Variants in MTR observed in about 807,000 individuals in gnomAD.
MTR encodes methionine synthase.
In MTR, 84 loss-of-function variants were observed where a neutral mutation model predicts 154.8. The observed-to-expected ratio is 0.54, with a 90% CI of 0.45 to 0.65. The LOEUF (loss-of-function observed/expected upper bound fraction) is 0.65, where lower values mean the gene tolerates loss of function less well. MTR is among the 30% of genes least tolerant of loss of function. The pLI, the probability that MTR is intolerant of heterozygous loss-of-function variation, is 0.00. For synonymous variants in MTR, 554 were observed against 553.9 expected, an observed-to-expected ratio of 1.00 and a Z score of 0.00; for missense variants, 1,275 against 1,570.2, an observed-to-expected ratio of 0.81 and a Z score of 3.18.
Position 236,795,555 on chromosome 1 carries a change from G to A in MTR, c.-149G>A, listed in dbSNP as rs1482032939. 1 of 1,544,802 alleles carries A rather than the reference G, an allele frequency of 6.5e-7. No individual in the cohort carries two copies. Among genetic ancestry groups the A allele is most frequent in the Non-Finnish European group, 8.7e-7 (1 of 1,150,366 alleles). ...GGCTTTCGGGGTCCGCAGTCCCCCC[G>A]CGACGCGAGCCAACGGGAGGCGTCA... On this transcript the variant is annotated 5_prime_UTR_variant, in exon 1 of 33. Coordinates refer to ENST00000366577, the MANE Select transcript of MTR (RefSeq NM_000254.3).
Position 236,810,609 on chromosome 1 carries a change from A to G in MTR, c.502+14A>G, listed in dbSNP as rs1558277323. The G allele has an allele frequency of 6.3e-7, 1 of 1,597,816 alleles. No individual in the cohort carries two copies. On this transcript the variant is annotated intron_variant, in intron 5 of 32. Coordinates refer to ENST00000366577, the MANE Select transcript of MTR (RefSeq NM_000254.3). ...ATAGGAACATCAGTGAGTATTTACC[A>G]CATATAATCATTGATCTTGGGGAAG... is the stretch of plus-strand genomic sequence containing the variant.
At chr1:236,891,923 G>A (rs559647663) in intron 29 of MTR, among the ~76,000 whole-genome samples, 25 of 152,244 alleles carry the variant, frequency 1.6e-4, no homozygotes, top group Admixed American at 4.6e-4. Context: ...AGCCCAGCCT[G>A]TACATATCCC....
chr1:236,796,209 C>T (rs985376676), intron 1 of MTR, among the ~76,000 whole-genome samples: 8 of 152,326 alleles, frequency 5.3e-5, no homozygotes, highest in African/African-American at 1.7e-4. Context: ...TTTTCTGCTT[C>T]TACGCACGCT....
chr1:236,811,580 C>T lies in MTR; in HGVS notation c.502+985C>T, dbSNP rs567547474. 1.6e-4 allele frequency: 74 copies of T among 455,798 alleles called. 1 individual carries two copies. The highest frequency in any genetic ancestry group is 3.6e-4 in the African/African-American group (18 of 50,124). The allele number at this position is 455,798 out of a possible 1,614,324, so 28.2% of individuals were successfully genotyped here. A position where few individuals can be genotyped will look rare whatever the true frequency, so the allele number is the denominator to read the frequency against. Reference sequence around the variant, plus strand: ...TATGGAACTTTGTGTGCTGTGATACCACACTTTTTCACTAGGAGTTGTTCA... The same window carrying T: ...TATGGAACTTTGTGTGCTGTGATACTACACTTTTTCACTAGGAGTTGTTCA... On this transcript the variant is annotated intron_variant, in intron 5 of 32. Coordinates refer to ENST00000366577, the MANE Select transcript of MTR (RefSeq NM_000254.3).
At chr1:236,827,053 G>A (rs1168502117) in intron 11 of MTR, among the ~76,000 whole-genome samples, 157 bp downstream of exon 11, 1 of 152,194 alleles carries the variant, frequency 6.6e-6, no homozygotes, top group Admixed American at 6.5e-5. Context: ...TGTATTTGGA[G>A]ATGAGGCCTT....
intron 13 of MTR, 47 bp downstream of exon 13, chr1:236,832,125 C>A: frequency 7.1e-7 from 1 of 1,411,118 alleles, no homozygotes; most frequent in Non-Finnish European, 1.0e-6. Flanking sequence ...ATGTCTTTGG[C>A]TAGACAGCAT....
intron 14 of MTR, among the ~76,000 whole-genome samples, chr1:236,838,003 G>A (rs1663006700): frequency 6.6e-6 from 1 of 152,072 alleles, no homozygotes; most frequent in Non-Finnish European, 1.5e-5. Context: ...GGTTGAATTT[G>A]AATAACTTGG....
intron 18 of MTR, among the ~76,000 whole-genome samples, chr1:236,856,310 G>C (rs1664198641): frequency 6.6e-6 from 1 of 152,004 alleles, no homozygotes; most frequent in Non-Finnish European, 1.5e-5. Context: ...ATCAAGTGAT[G>C]GGACTGTGAA....
intron 7 of MTR, among the ~76,000 whole-genome samples, chr1:236,816,095 G>A (rs1661578091): frequency 1.3e-5 from 2 of 152,196 alleles, no homozygotes. Context: ...CAAAACAAGG[G>A]TGTTAGATAA....
rs865831354 is a variant in MTR at position 236,853,050 on chromosome 1, GA to G, written c.1916del (p.Asp639AlafsTer42). The G allele has an allele frequency of 5.0e-6, 8 of 1,613,694 alleles. No homozygotes were observed. Among genetic ancestry groups the G allele is most frequent in the Non-Finnish European group, 6.8e-6 (8 of 1,179,914 alleles). ...CTGTGAAGATCTCATCTGGAATAAAGACCCTGAGGCCACTGAGAAGCTCTTA... is the reference window on the plus strand; with the variant it reads ...CTGTGAAGATCTCATCTGGAATAAAGCCCTGAGGCCACTGAGAAGCTCTTA... ...QLCEDLIWNK[D>X]PEATEKLLRY... is the part of the protein sequence containing the mutation. On this transcript the variant is annotated frameshift_variant, in exon 18 of 33. Transcript: ENST00000366577. LOFTEE classifies it high-confidence loss of function.
At chr1:236,873,310 T>C (rs1453259808) in intron 22 of MTR, among the ~76,000 whole-genome samples, 2 of 152,178 alleles carry the variant, frequency 1.3e-5, no homozygotes, top group South Asian at 2.1e-4. Flanking sequence ...GGGGTAGTTA[T>C]TGCTAAATGG....
chr1:236,886,771 G>A (rs1031802315), intron 27 of MTR, among the ~76,000 whole-genome samples: 1 of 152,208 alleles, frequency 6.6e-6, no homozygotes, highest in African/African-American at 2.4e-5. Context: ...CTTGAAGGAA[G>A]TTCTGTGGAA....
intron 25 of MTR, among the ~76,000 whole-genome samples, chr1:236,882,537 T>A (rs1218259828): frequency 1.3e-5 from 2 of 152,050 alleles, no homozygotes; most frequent in East Asian, 3.9e-4. Context: ...ATTACAGGTG[T>A]GCACCACCAC....
intron 32 of MTR, 47 bp downstream of exon 32, chr1:236,897,165 A>G (rs372458025): frequency 3.7e-6 from 5 of 1,349,804 alleles, no homozygotes; most frequent in African/African-American, 1.4e-5. Context: ...TTCAAATGAA[A>G]TTCTAGAACC....
intron 2 of MTR, among the ~76,000 whole-genome samples, chr1:236,804,285 G>A (rs1660852315): frequency 6.6e-6 from 1 of 152,174 alleles, no homozygotes. Flanking sequence ...ATTAGGAGGT[G>A]CCCTTATAAA....
intron 15 of MTR, among the ~76,000 whole-genome samples, chr1:236,849,499 TG>T (rs2103235765): frequency 6.6e-6 from 1 of 152,290 alleles, no homozygotes; most frequent in South Asian, 2.1e-4. Flanking sequence ...GCCTTAGTTC[TG>T]TGAAGCACAA....
intron 13 of MTR, among the ~76,000 whole-genome samples, chr1:236,835,332 G>A (rs1019782446): frequency 6.6e-6 from 1 of 152,028 alleles, no homozygotes; most frequent in Non-Finnish European, 1.5e-5. Flanking sequence ...CAGCTTTGGT[G>A]GATTCTAAGC....
intron 4 of MTR, among the ~76,000 whole-genome samples, chr1:236,809,574 C>T (rs2103036028): frequency 6.6e-6 from 1 of 152,300 alleles, no homozygotes; most frequent in South Asian, 2.1e-4. Context: ...ACTATTACTC[C>T]AACAGAGTCA....
At position 236,885,162 on chromosome 1, in the gene MTR, T is replaced by C. The variant is rs371962565; in HGVS notation, c.2718T>C (p.Phe906=). The change falls in exon 26 of 33, where the codon TTT becomes TTC. Residue 906 remains phenylalanine (F), a synonymous_variant. Coordinates refer to ENST00000366577, the MANE Select transcript of MTR (RefSeq NM_000254.3). ...ATGAAAATCTAAAGGATGAATACTT[T>C]GAGGAAATCATGGAAGAATATGAAG... ...LLDENLKDEY[F]EEIMEEYEDI... 3.9e-5 allele frequency: 63 copies of C among 1,610,588 alleles called. No homozygotes were observed. The highest frequency in any genetic ancestry group is 5.1e-5 in the Non-Finnish European group (60 of 1,176,908).
Sources: allele counts gnomAD v4.1 joint callset (sites outside exome capture counted in the v4.1 genomes callset), GRCh38; gene constraint gnomAD v4.1.1; transcripts MANE v1.5; gene names NCBI Gene and HGNC (gene_info 2026-07-23, HGNC 2026-07-21).